The following WBP4 variants were observed in gnomAD, a reference collection of about 807,000 sequenced individuals.
WBP4 encodes the protein WW domain binding protein 4.
A neutral mutation model predicts 55.4 loss-of-function variants in WBP4; 37 were observed. That is an observed-to-expected ratio of 0.67 (90% CI 0.51 to 0.88). WBP4 has a LOEUF of 0.88. Ranked by LOEUF, WBP4 falls within the 40% of genes least tolerant of loss-of-function variation. WBP4 has a pLI of 0.00. For missense variants in WBP4, 398 were observed against 420.8 expected, an observed-to-expected ratio of 0.95 and a Z score of 0.47; for synonymous variants, 142 against 140.2, an observed-to-expected ratio of 1.01 and a Z score of -0.09.
rs550470438 is a variant in WBP4, at chr13:41,080,897, A to T, written c.920+88A>T. 8.7e-6 allele frequency: 12 copies of T among 1,381,250 alleles called. No individual in the cohort carries two copies. The East Asian group carries it at 2.6e-4, about 30-fold the overall frequency. The allele number at this position is 1,381,250 out of a possible 1,614,324, so 85.6% of individuals were successfully genotyped here. A position where few individuals can be genotyped will look rare whatever the true frequency, so the allele number is the denominator to read the frequency against. On this transcript the variant is annotated intron_variant, in intron 9 of 9. Coordinates refer to ENST00000379487, the MANE Select transcript of WBP4 (RefSeq NM_007187.5). ...TAAATTGCAGTAAGTAATTTCAAGG[A>T]TGCTGTGCTTATTAAAAGTATAGCT...
intron 8 of WBP4, among the ~76,000 whole-genome samples, chr13:41,076,764 A>T (rs1323833247): frequency 2.0e-5 from 3 of 152,178 alleles, no homozygotes; most frequent in Admixed American, 1.3e-4. Flanking sequence ...AATGTAGGAA[A>T]ATCAGAGTTC....
At chr13:41,071,002 T>C (rs1440330168) in intron 5 of WBP4, among the ~76,000 whole-genome samples, 6 of 152,246 alleles carry the variant, frequency 3.9e-5, no homozygotes, top group African/African-American at 9.6e-5. Context: ...TAAATGATTA[T>C]GTACTAGCAA....
intron 8 of WBP4, among the ~76,000 whole-genome samples, chr13:41,077,850 A>G (rs1488890189): frequency 6.6e-6 from 1 of 152,212 alleles, no homozygotes; most frequent in Non-Finnish European, 1.5e-5. Flanking sequence ...TATCTATATA[A>G]TAATGGTAAA....
Position 41,083,404 on chromosome 13 carries a change from A to T in WBP4, c.*490A>T, listed in dbSNP as rs1236119758. The T allele has an allele frequency of 6.4e-6, 1 of 157,258 alleles. No homozygotes were observed. The highest frequency in any genetic ancestry group is 6.2e-5 in the Admixed American group (1 of 16,124). The allele number at this position is 157,258 out of a possible 1,614,324, so 9.7% of individuals were successfully genotyped here. A position where few individuals can be genotyped will look rare whatever the true frequency, so the allele number is the denominator to read the frequency against. On this transcript the variant is annotated 3_prime_UTR_variant, in exon 10 of 10. Transcript: ENST00000379487. Reference sequence around the variant, plus strand: ...AAATGTATGCATATTGGCTTACCTTACTCAATTTAAAGTCAAAAGCCAACA... The same window carrying T: ...AAATGTATGCATATTGGCTTACCTTTCTCAATTTAAAGTCAAAAGCCAACA...
At chr13:41,079,541 CA>C (rs35433682) in intron 8 of WBP4, among the ~76,000 whole-genome samples, 46,917 of 101,226 alleles carry the variant, frequency 0.46, 8,022 homozygotes, top group Middle Eastern at 0.62. Context: ...GACTCCGTCT[CA>C]AAAAAAAAAA....
chr13:41,079,807 A>G (rs1878682177), intron 8 of WBP4, among the ~76,000 whole-genome samples: 1 of 152,240 alleles, frequency 6.6e-6, no homozygotes. Flanking sequence ...AAGTAAATCA[A>G]CCTAAGTGTC....
intron 5 of WBP4, among the ~76,000 whole-genome samples, chr13:41,069,705 CAAAAAA>C (rs35819905): frequency 1.3e-5 from 1 of 75,870 alleles, no homozygotes; most frequent in Non-Finnish European, 2.7e-5. Flanking sequence ...GACTCTGCCT[CAAAAAA>C]AAAAAAAAAA....
chr13:41,068,482 A>G, intron 4 of WBP4, 79 bp from the exon 5 acceptor site: 2 of 1,346,422 alleles, frequency 1.5e-6, no homozygotes, highest in Non-Finnish European at 2.0e-6. Context: ...TTTGATTGGA[A>G]TAACATTAAT....
At position 41,083,003 on chromosome 13, in the gene WBP4, A is replaced by C. The variant is rs1054105034; in HGVS notation, c.*89A>C. 1 of 1,172,226 alleles carries C rather than the reference A, an allele frequency of 8.5e-7. No homozygotes were observed. Among genetic ancestry groups the C allele is most frequent in the Non-Finnish European group, 1.2e-6 (1 of 832,950 alleles). 72.6% of individuals were successfully genotyped at this position (1,172,226 alleles called of 1,614,324 possible). A position where few individuals can be genotyped will look rare whatever the true frequency, so the allele number is the denominator to read the frequency against. On this transcript the variant is annotated 3_prime_UTR_variant, in exon 10 of 10. Transcript: ENST00000379487. The stretch of plus-strand genomic sequence containing the variant: ...TCTGTGTTTGTTTGTAAGTATTATG[A>C]TGCTAAAAATTTAGATTTATTCTAA...
rs1878086132 is a variant in WBP4, at chr13:41,068,632, G to GA, written c.338dup (p.Lys114GlufsTer22). ...TACCTCGACATCAAATCAACAGAAA[G>GA]AAAAGAAAGAAAAGAAGAAAAGAAA... On this transcript the variant is annotated frameshift_variant, in exon 5 of 10. Coordinates refer to ENST00000379487, the MANE Select transcript of WBP4 (RefSeq NM_007187.5). LOFTEE classifies it high-confidence loss of function. 1.9e-6 allele frequency: 3 copies of GA among 1,611,530 alleles called. No individual in the cohort carries two copies. Among genetic ancestry groups the GA allele is most frequent in the Non-Finnish European group, 2.5e-6 (3 of 1,179,302 alleles).
chr13:41,068,428 C>G (rs1878073865), intron 4 of WBP4, 133 bp from the exon 5 acceptor site: 1 of 806,878 alleles, frequency 1.2e-6, no homozygotes, highest in Non-Finnish European at 1.7e-6. Flanking sequence ...TCCGAATGAA[C>G]TTTATAATAA....
At chr13:41,079,929 T>G (rs1321526478) in intron 8 of WBP4, among the ~76,000 whole-genome samples, 1 of 152,182 alleles carries the variant, frequency 6.6e-6, no homozygotes, top group African/African-American at 2.4e-5. Flanking sequence ...GCTATGTGAA[T>G]GGAACTGGAG....
At chr13:41,075,293 C>G (rs920410235) in intron 7 of WBP4, among the ~76,000 whole-genome samples, 1 of 152,182 alleles carries the variant, frequency 6.6e-6, no homozygotes, top group Non-Finnish European at 1.5e-5. Context: ...GCTGCCCCCC[C>G]ACCCACCAAA....
Position 41,065,081 on chromosome 13 carries a change from A to T in WBP4, c.138+3A>T. On this transcript the variant is annotated splice_donor_region_variant and intron_variant, in intron 3 of 9. Coordinates refer to ENST00000379487, the MANE Select transcript of WBP4 (RefSeq NM_007187.5). ...ATGTGGCAAAAAGGATCAGTGAGGTAATTTAGATTGTTTATTTGCTAATTT... is the reference window on the plus strand; with the variant it reads ...ATGTGGCAAAAAGGATCAGTGAGGTTATTTAGATTGTTTATTTGCTAATTT... 1.9e-6 allele frequency: 3 copies of T among 1,602,030 alleles called. No individual in the cohort carries two copies.
chr13:41,076,353 A>C, intron 8 of WBP4, 116 bp downstream of exon 8: 2 of 779,730 alleles, frequency 2.6e-6, no homozygotes, highest in Non-Finnish European at 3.7e-6. Flanking sequence ...GTCTTGGCTC[A>C]CTGTAACCTC....
chr13:41,073,765 C>T (rs896118023), intron 7 of WBP4, among the ~76,000 whole-genome samples: 7 of 151,974 alleles, frequency 4.6e-5, no homozygotes, highest in Non-Finnish European at 1.0e-4. Flanking sequence ...CAAGATCGCA[C>T]CACTGCACTC....
rs1311150190 is a variant in WBP4 at position 41,062,111 on chromosome 13, T to TG, written c.2+436_2+437insG. ...TAGCGTAATGGTTTTTTTTTTTTTT[T>TG]TTTTTTTTTTTTTGTCGGCCGTCTA... is the stretch of plus-strand genomic sequence containing the variant. On this transcript the variant is annotated intron_variant, in intron 1 of 9. Coordinates refer to ENST00000379487, the MANE Select transcript of WBP4 (RefSeq NM_007187.5). The TG allele has an allele frequency of 8.4e-5, 81 of 969,252 alleles. No individual in the cohort carries two copies. In the African/African-American group the frequency reaches 8.9e-4, roughly 11 times the overall value. 60.0% of individuals were successfully genotyped at this position (969,252 alleles called of 1,614,324 possible).
At chr13:41,072,074 A>T (rs1264821922) in intron 6 of WBP4, among the ~76,000 whole-genome samples, 1 of 150,660 alleles carries the variant, frequency 6.6e-6, no homozygotes, top group African/African-American at 2.4e-5. Flanking sequence ...AAAAGTACTG[A>T]TATCTATCCA....
intron 9 of WBP4, among the ~76,000 whole-genome samples, chr13:41,081,866 A>G (rs549268213): frequency 6.6e-6 from 1 of 152,288 alleles, no homozygotes; most frequent in Admixed American, 6.5e-5. Flanking sequence ...CCATTCTCCA[A>G]ATAGGATGAT....
Sources: gnomAD v4.1 joint callset for allele counts (sites outside exome capture counted in the v4.1 genomes callset) on GRCh38, gnomAD v4.1.1 for gene constraint, MANE v1.5 for transcripts, NCBI Gene and HGNC (gene_info 2026-07-23, HGNC 2026-07-21) for gene names.